SHISA6: variants seen among roughly 807,000 people sequenced by gnomAD.
SHISA6 encodes shisa family member 6, also known as protein shisa-6.
A neutral mutation model predicts 47.9 loss-of-function variants in SHISA6; 22 were observed. The ratio of observed to expected loss-of-function variants is 0.46; its 90% CI spans 0.33 to 0.66. The LOEUF (loss-of-function observed/expected upper bound fraction) is 0.66, where lower values mean the gene tolerates loss of function less well. Ranked by LOEUF, SHISA6 falls within the 30% of genes least tolerant of loss-of-function variation. SHISA6 has a pLI of 0.02. For synonymous variants in SHISA6, 388 were observed against 337.8 expected (o/e 1.15, Z -1.63); for missense variants, 680 against 764.6 (o/e 0.89, Z 1.30).
intron 2 of SHISA6, chr17:11,289,507 G>T (rs1909442049): frequency 6.6e-6 from 1 of 151,108 alleles, no homozygotes; most frequent in Admixed American, 6.6e-5. Context: ...TCTGTTCCAA[G>T]AAATTTTGAA....
chr17:11,303,344 C>T (rs115091215), intron 2 of SHISA6, among the ~76,000 whole-genome samples: 98 of 150,440 alleles, frequency 6.5e-4, no homozygotes, highest in African/African-American at 2.2e-3. Flanking sequence ...TATGTGTGGT[C>T]GTGAGTATGG....
chr17:11,558,092 G>C lies in SHISA6; in HGVS notation c.1444G>C (p.Val482Leu). The C allele has an allele frequency of 1.3e-6, 2 of 1,551,634 alleles. No homozygotes were observed. The highest frequency in any genetic ancestry group is 1.7e-4 in the Middle Eastern group (1 of 5,992). ...SRAISHTDVF[V>L]STPVLDRYRM... The stretch of plus-strand genomic sequence containing the variant: ...GGCCATCTCGCACACGGACGTCTTT[G>C]TGTCCACACCCGTGCTGGACCGCTA... Residue 482 changes from valine (V) to leucine (L), a missense_variant, in exon 6 of 6, where the codon GTG (valine) becomes CTG (leucine). This residue lies in a region of SHISA6 where 559 missense variants were observed against 674.1 expected (regional missense o/e 0.83). Transcript: ENST00000441885.
At chr17:11,422,959 T>A (rs755310281) in intron 3 of SHISA6, among the ~76,000 whole-genome samples, 105 of 148,592 alleles carry the variant, frequency 7.1e-4, no homozygotes, top group Non-Finnish European at 1.4e-3. Context: ...AACGCATGGC[T>A]ACAGTCACTA....
At chr17:11,506,977 T>TA (rs2071504026) in intron 3 of SHISA6, among the ~76,000 whole-genome samples, 1 of 152,126 alleles carries the variant, frequency 6.6e-6, no homozygotes, top group Non-Finnish European at 1.5e-5. Flanking sequence ...GAGATGATCT[T>TA]AGAGTCTAGG....
chr17:11,349,809 G>A (rs1911812039), intron 2 of SHISA6, among the ~76,000 whole-genome samples: 1 of 152,138 alleles, frequency 6.6e-6, no homozygotes, highest in African/African-American at 2.4e-5. Flanking sequence ...GAGTTTCAAA[G>A]CAATAGGTTG....
intron 3 of SHISA6, among the ~76,000 whole-genome samples, chr17:11,426,727 A>G (rs1331141174): frequency 6.6e-6 from 1 of 152,234 alleles, no homozygotes; most frequent in Non-Finnish European, 1.5e-5. Flanking sequence ...TCAATGAGCA[A>G]CAAATATTTG....
intron 2 of SHISA6, among the ~76,000 whole-genome samples, chr17:11,298,959 A>G (rs897923387): frequency 1.3e-5 from 2 of 152,206 alleles, no homozygotes; most frequent in African/African-American, 4.8e-5. Context: ...CAGCTGCTGA[A>G]TGTGCTTTGG....
In SHISA6 at chr17:11,241,355, C is replaced by G; in HGVS notation, c.-68C>G. ...AGCCCGGCCCGCGCGGCGGGTCCTC[C>G]GAGCCCGGCCCGCCGGGGGAGCGGC... On this transcript the variant is annotated 5_prime_UTR_variant, in exon 1 of 6. Coordinates refer to ENST00000441885, the MANE Select transcript of SHISA6 (RefSeq NM_207386.4). The surrounding 1 kb of genome is among the most constrained non-coding windows in gnomAD (Gnocchi z 5.5). The G allele has an allele frequency of 1.0e-6, 1 of 981,410 alleles. No homozygotes were observed. The highest frequency in any genetic ancestry group is 1.2e-6 in the Non-Finnish European group (1 of 822,866). 60.8% of individuals were successfully genotyped at this position (981,410 alleles called of 1,614,324 possible).
At chr17:11,431,298 C>G (rs1368094191) in intron 3 of SHISA6, among the ~76,000 whole-genome samples, 1 of 152,192 alleles carries the variant, frequency 6.6e-6, no homozygotes, top group Non-Finnish European at 1.5e-5. Context: ...GCTGCACCCT[C>G]CACACAGGAA....
At chr17:11,436,401 T>C (rs1308095958) in intron 3 of SHISA6, among the ~76,000 whole-genome samples, 1 of 152,246 alleles carries the variant, frequency 6.6e-6, no homozygotes, top group Non-Finnish European at 1.5e-5. Flanking sequence ...GGCTTGTACC[T>C]TTCTGTTTAT....
intron 2 of SHISA6, among the ~76,000 whole-genome samples, chr17:11,332,543 A>G (rs542480373): frequency 6.6e-6 from 1 of 152,140 alleles, no homozygotes; most frequent in Non-Finnish European, 1.5e-5. Flanking sequence ...CCCACATCCC[A>G]TGATACGGGA....
intron 3 of SHISA6, among the ~76,000 whole-genome samples, chr17:11,435,407 A>C (rs1914909718): frequency 6.6e-6 from 1 of 152,152 alleles, no homozygotes; most frequent in Non-Finnish European, 1.5e-5. Flanking sequence ...ATCTGTCCTC[A>C]GTATCTGTAC....
At chr17:11,264,104 T>G (rs1386631545) in intron 2 of SHISA6, among the ~76,000 whole-genome samples, 1 of 152,202 alleles carries the variant, frequency 6.6e-6, no homozygotes, top group Non-Finnish European at 1.5e-5. Flanking sequence ...GCAGGGCTTA[T>G]TTTCCTTGTC....
chr17:11,359,488 C>T (rs561584089), intron 2 of SHISA6, among the ~76,000 whole-genome samples: 58 of 152,300 alleles, frequency 3.8e-4, no homozygotes, highest in African/African-American at 1.3e-3. Context: ...GCCTCTCTCT[C>T]TGCATCAACT....
intron 3 of SHISA6, among the ~76,000 whole-genome samples, chr17:11,464,311 A>G (rs1470738371): frequency 6.6e-6 from 1 of 152,216 alleles, no homozygotes; most frequent in Non-Finnish European, 1.5e-5. Context: ...TGTTTGCATC[A>G]TAAAATTGGC....
At chr17:11,276,015 A>G (rs1329805477) in intron 2 of SHISA6, among the ~76,000 whole-genome samples, 9 of 151,074 alleles carry the variant, frequency 6.0e-5, no homozygotes, top group Non-Finnish European at 1.2e-4. Context: ...TTGCTGTGTC[A>G]CCCAAGTTGG....
chr17:11,433,237 C>T (rs1914841650), intron 3 of SHISA6, among the ~76,000 whole-genome samples: 1 of 152,078 alleles, frequency 6.6e-6, no homozygotes, highest in Non-Finnish European at 1.5e-5. Flanking sequence ...CCCCTAGCCC[C>T]CCACCCACCG....
At chr17:11,497,894 T>C (rs1433617295) in intron 3 of SHISA6, among the ~76,000 whole-genome samples, 1 of 152,196 alleles carries the variant, frequency 6.6e-6, no homozygotes, top group African/African-American at 2.4e-5. Flanking sequence ...TCTTGCTGAT[T>C]GACAGTACAA....
At chr17:11,556,077 T>G (rs1249733594) in intron 5 of SHISA6, among the ~76,000 whole-genome samples, 185 bp downstream of exon 5, 2 of 152,202 alleles carry the variant, frequency 1.3e-5, no homozygotes, top group Admixed American at 6.5e-5. Context: ...CTGAGCCCAT[T>G]CTTTCCATAC....
Sources: allele counts gnomAD v4.1 joint callset (sites outside exome capture counted in the v4.1 genomes callset), GRCh38; gene constraint gnomAD v4.1.1; regional missense constraint gnomAD v4.1.1; non-coding constraint Gnocchi (gnomAD v3.1); transcripts MANE v1.5; gene names NCBI Gene and HGNC (gene_info 2026-07-23, HGNC 2026-07-21).